ZNF438: variants seen among roughly 807,000 people sequenced by gnomAD.
The protein encoded by ZNF438 is zinc finger protein 438.
Under a neutral mutation model 38.0 loss-of-function variants are expected in ZNF438, and 25 were observed. The ratio of observed to expected loss-of-function variants is 0.66; its 90% CI spans 0.48 to 0.92. The LOEUF is 0.92. Ranked by LOEUF, ZNF438 falls within the 40% of genes least tolerant of loss-of-function variation. The probability of loss-of-function intolerance (pLI) is 0.00; values close to 1 mark genes in which losing one functional copy is unlikely to be tolerated. For synonymous variants in ZNF438, 372 were observed against 364.1 expected, an observed-to-expected ratio of 1.02 and a Z score of -0.25; for missense variants, 1,007 against 999.6, an observed-to-expected ratio of 1.01 and a Z score of -0.10.
At chr10:30,982,706 C>G (rs114285593) in intron 1 of ZNF438, among the ~76,000 whole-genome samples, 1,764 of 152,190 alleles carry the variant, frequency 0.012, 31 homozygotes, top group African/African-American at 0.039. Context: ...ATCTACAAGA[C>G]CTGCATGGCT....
intron 3 of ZNF438, among the ~76,000 whole-genome samples, chr10:30,889,574 G>A (rs990667729): frequency 1.3e-5 from 2 of 152,070 alleles, no homozygotes; most frequent in Non-Finnish European, 2.9e-5. Context: ...TGCGGCTCCT[G>A]TTTGTGTTTT....
At chr10:30,985,452 AT>A (rs545947560) in intron 1 of ZNF438, among the ~76,000 whole-genome samples, 148 of 152,360 alleles carry the variant, frequency 9.7e-4, no homozygotes, top group African/African-American at 3.4e-3. Flanking sequence ...GGTTGGCTCC[AT>A]TAACAGAAAA....
exon 5 of ZNF438, chr10:30,849,648 CAGA>C: frequency 3.7e-6 from 6 of 1,614,114 alleles, no homozygotes; most frequent in African/African-American, 1.3e-5. Flanking sequence ...CTGGCAACAG[CAGA>C]AGGTTTACTA....
Position 30,848,556 on chromosome 10 carries a change from G to A in ZNF438, c.1849C>T (p.Arg617Ter), listed in dbSNP as rs1437978578. The A allele has an allele frequency of 6.8e-6, 11 of 1,613,216 alleles. No individual in the cohort carries two copies. The highest frequency in any genetic ancestry group is 1.3e-5 in the African/African-American group (1 of 74,876). ...CTCTCCAATGATCCCTCCATGCCTC[G>A]CACACTCATGTCTCTGTTCTTTGGT... The change falls in exon 5 of 6, where the codon CGA becomes TGA. Residue 617 changes from arginine to a stop codon, truncating the protein, a stop_gained. Transcript: ENST00000413025. LOFTEE classifies it low-confidence loss of function (END_TRUNC).
intron 1 of ZNF438, among the ~76,000 whole-genome samples, chr10:30,999,743 C>G (rs2054453214): frequency 6.6e-6 from 1 of 152,148 alleles, no homozygotes; most frequent in Non-Finnish European, 1.5e-5. Flanking sequence ...AATGATTTCT[C>G]ATAAGATACT....
chr10:30,894,850 G>C (rs2134102090), intron 3 of ZNF438, among the ~76,000 whole-genome samples: 1 of 152,304 alleles, frequency 6.6e-6, no homozygotes, highest in Non-Finnish European at 1.5e-5. Context: ...TGACAGTCTT[G>C]ATAGTCTATA....
chr10:30,972,159 C>T (rs1005158205), intron 1 of ZNF438, among the ~76,000 whole-genome samples: 5 of 151,994 alleles, frequency 3.3e-5, no homozygotes, highest in African/African-American at 9.7e-5. Context: ...TTAGTAGATA[C>T]GGGGTTTCAC....
chr10:31,019,970 C>G (rs770501852), intron 1 of ZNF438, among the ~76,000 whole-genome samples: 1 of 152,116 alleles, frequency 6.6e-6, no homozygotes, highest in African/African-American at 2.4e-5. Flanking sequence ...CCAGCAAAGA[C>G]TAGAAAATAA....
At chr10:30,932,232 A>C (rs1302377314) in intron 2 of ZNF438, among the ~76,000 whole-genome samples, 3 of 152,144 alleles carry the variant, frequency 2.0e-5, no homozygotes, top group Non-Finnish European at 4.4e-5. Context: ...TTAAAAAAAA[A>C]CTTATTAAAA....
chr10:30,959,532 A>G (rs1362589030), intron 1 of ZNF438, among the ~76,000 whole-genome samples: 1 of 142,462 alleles, frequency 7.0e-6, no homozygotes, highest in Non-Finnish European at 1.6e-5. Context: ...AGGTCAGGAG[A>G]TTGAGACCAT....
intron 1 of ZNF438, among the ~76,000 whole-genome samples, chr10:30,990,411 A>G (rs117727703): frequency 1.9e-4 from 29 of 152,348 alleles, no homozygotes; most frequent in Non-Finnish European, 4.1e-4. Context: ...AAACATTGAC[A>G]GTAGGTTATC....
chr10:30,974,430 G>A (rs1300765014), intron 1 of ZNF438, among the ~76,000 whole-genome samples: 2 of 152,176 alleles, frequency 1.3e-5, no homozygotes, highest in East Asian at 3.9e-4. Flanking sequence ...CTATCATCAA[G>A]CTATTGCACT....
At position 30,991,763 on chromosome 10, in the gene ZNF438, A is replaced by C. The variant is rs148174225; in HGVS notation, c.-192+40070T>G. ...CTAGAAAAAGAGACAGCCAGCTCACAGTAAACACAGAGGTCAGGAAGGCTG... is the reference window on the plus strand; with the variant it reads ...CTAGAAAAAGAGACAGCCAGCTCACCGTAAACACAGAGGTCAGGAAGGCTG... On this transcript the variant is annotated intron_variant, in intron 1 of 5. Coordinates refer to ENST00000413025, the Ensembl canonical transcript of ZNF438. 6.0e-3 allele frequency among the ~76,000 whole-genome samples: 920 copies of C among 152,358 alleles called. 3 individuals carry two copies. The highest frequency in any genetic ancestry group is 0.02 in the Middle Eastern group (6 of 294).
intron 4 of ZNF438, among the ~76,000 whole-genome samples, chr10:30,851,656 T>C (rs1202457167): frequency 1.3e-5 from 2 of 152,260 alleles, no homozygotes; most frequent in Non-Finnish European, 2.9e-5. Context: ...TAGCAAAACA[T>C]GCAAATATTC....
At chr10:31,007,286 T>G (rs2055237776) in intron 1 of ZNF438, among the ~76,000 whole-genome samples, 1 of 148,016 alleles carries the variant, frequency 6.8e-6, no homozygotes, top group South Asian at 2.1e-4. Context: ...GTTTTTTTTT[T>G]TTTTTTTTTT....
chr10:30,902,665 T>C (rs1344235330), intron 3 of ZNF438, among the ~76,000 whole-genome samples: 1 of 151,970 alleles, frequency 6.6e-6, no homozygotes, highest in Non-Finnish European at 1.5e-5. Context: ...AGACACAGAG[T>C]GCTGACTGGT....
At chr10:30,865,930 G>A (rs1377138505) in intron 4 of ZNF438, among the ~76,000 whole-genome samples, 1 of 152,078 alleles carries the variant, frequency 6.6e-6, no homozygotes, top group South Asian at 2.1e-4. Flanking sequence ...GAAGGGTCCC[G>A]AATACTCTTT....
At chr10:30,854,086 G>C (rs941658572) in intron 4 of ZNF438, among the ~76,000 whole-genome samples, 3 of 152,180 alleles carry the variant, frequency 2.0e-5, no homozygotes, top group Non-Finnish European at 2.9e-5. Flanking sequence ...TTGGGAGGCC[G>C]AGACAGGTGG....
intron 1 of ZNF438, among the ~76,000 whole-genome samples, chr10:30,947,307 T>A (rs553756149): frequency 3.7e-4 from 56 of 152,242 alleles, no homozygotes; most frequent in Non-Finnish European, 4.9e-4. Flanking sequence ...TACAATAAAA[T>A]GGCTGTGTCT....
Sources: gnomAD v4.1 joint callset for allele counts (sites outside exome capture counted in the v4.1 genomes callset) on GRCh38, gnomAD v4.1.1 for gene constraint, MANE v1.5 for transcripts, NCBI Gene and HGNC (gene_info 2026-07-23, HGNC 2026-07-21) for gene names.